CSNK1E: variants seen among roughly 807,000 people sequenced by gnomAD.
CSNK1E encodes casein kinase I isoform epsilon.
Under a neutral mutation model 46.1 loss-of-function variants are expected in CSNK1E, and 17 were observed. The ratio of observed to expected loss-of-function variants is 0.37; its 90% CI spans 0.25 to 0.55. The LOEUF is 0.55. CSNK1E is among the 20% of genes least tolerant of loss of function. The pLI, the probability that CSNK1E is intolerant of heterozygous loss-of-function variation, is 0.82. For synonymous variants in CSNK1E, 241 were observed against 242.6 expected, an observed-to-expected ratio of 0.99 and a Z score of 0.06; for missense variants, 386 against 595.4, an observed-to-expected ratio of 0.65 and a Z score of 3.66.
At chr22:38,311,003 G>A (rs150405008) in intron 2 of CSNK1E, among the ~76,000 whole-genome samples, 1 of 152,302 alleles carries the variant, frequency 6.6e-6, no homozygotes, top group Non-Finnish European at 1.5e-5. Flanking sequence ...GGTGAGTCAG[G>A]GCAGGGTCCC....
chr22:38,296,528 G>A (rs766728414), intron 7 of CSNK1E: 1 of 1,602,188 alleles, frequency 6.2e-7, no homozygotes, highest in Non-Finnish European at 8.5e-7. Flanking sequence ...TGCTGGAGGT[G>A]GTTCAGCTCA....
chr22:38,304,814 G>T (rs760176723), intron 2 of CSNK1E, among the ~76,000 whole-genome samples: 1 of 152,106 alleles, frequency 6.6e-6, no homozygotes, highest in South Asian at 2.1e-4. Flanking sequence ...GCTACGACAC[G>T]AGTGCACCTT....
intron 1 of CSNK1E, among the ~76,000 whole-genome samples, chr22:38,315,720 G>A (rs2092742022): frequency 1.3e-5 from 2 of 151,602 alleles, no homozygotes; most frequent in Admixed American, 1.3e-4. Context: ...TGGCAGCCAG[G>A]AAACCCGCAG....
chr22:38,297,181 C>T (rs762394320), intron 7 of CSNK1E: 2 of 777,274 alleles, frequency 2.6e-6, no homozygotes, highest in African/African-American at 1.7e-5. Flanking sequence ...TCCATTCTTG[C>T]AGTTGTGCTG....
rs760181596 is a variant in CSNK1E at position 38,300,898 on chromosome 22, G to A, written c.391C>T (p.Pro131Ser). Reference sequence around the variant, plus strand: ...CCCAGCCCCATGAGGAAGTTGTCGGGCTTGACGTCCCGGTGGATGAAGTTC... The same window carrying A: ...CCCAGCCCCATGAGGAAGTTGTCGGACTTGACGTCCCGGTGGATGAAGTTC... ...SKNFIHRDVK[P>S]DNFLMGLGKK... Residue 131 changes from proline (P) to serine (S), a missense_variant, in exon 5 of 11, where the codon CCC (proline) becomes TCC (serine). By Grantham distance (74) the Pro-to-Ser change is moderately conservative. This residue lies in a region of CSNK1E where 212 missense variants were observed against 410.2 expected (regional missense o/e 0.52). Coordinates refer to ENST00000396832, the MANE Select transcript of CSNK1E (RefSeq NM_152221.3). The surrounding 1 kb of genome is among the most constrained non-coding windows in gnomAD (Gnocchi z 4.4). 2 of 1,614,220 alleles carry A rather than the reference G, an allele frequency of 1.2e-6. No individual in the cohort carries two copies. Among genetic ancestry groups the A allele is most frequent in the East Asian group, 2.2e-5 (1 of 44,890 alleles).
intron 2 of CSNK1E, among the ~76,000 whole-genome samples, chr22:38,310,117 C>CA (rs575858163): frequency 1.4e-3 from 206 of 152,316 alleles, no homozygotes; most frequent in Admixed American, 0.013. Context: ...TTTCTCCACT[C>CA]AAACTCCAGG....
In CSNK1E at chr22:38,294,227, A is replaced by T; in HGVS notation, c.1100T>A (p.Ile367Asn). Reference protein sequence around the residue: ...QPAGNTSPRAISRVDRERKVS... With the variant: ...QPAGNTSPRANSRVDRERKVS... ...CTTCCTCTCCCGGTCGACCCGCGAG[A>T]TCGCTCTGGGAGAAGTATTGCCTGG... The change falls in exon 9 of 11, where the codon ATC becomes AAC. Residue 367 changes from isoleucine to asparagine, a missense_variant. Coordinates refer to ENST00000396832, the MANE Select transcript of CSNK1E (RefSeq NM_152221.3). The surrounding 1 kb of genome is among the most constrained non-coding windows in gnomAD (Gnocchi z 5.5). 5 of 1,612,498 alleles carry T rather than the reference A, an allele frequency of 3.1e-6. No homozygotes were observed. The highest frequency in any genetic ancestry group is 4.2e-6 in the Non-Finnish European group (5 of 1,179,930).
chr22:38,293,922 T>C (rs2092625316), intron 9 of CSNK1E, 187 bp downstream of exon 9: 5 of 665,340 alleles, frequency 7.5e-6, no homozygotes, highest in Non-Finnish European at 1.2e-5. Context: ...GTGAATGACT[T>C]TGCTCAAGAG....
At chr22:38,306,299 A>G (rs1426429020) in intron 2 of CSNK1E, among the ~76,000 whole-genome samples, 1 of 152,174 alleles carries the variant, frequency 6.6e-6, no homozygotes, top group Admixed American at 6.5e-5. Flanking sequence ...GCTTCACTGG[A>G]TACTGTGTTA....
chr22:38,317,617 A>G (rs1269759500), upstream of CSNK1E, among the ~76,000 whole-genome samples: 1 of 151,688 alleles, frequency 6.6e-6, no homozygotes, highest in African/African-American at 2.4e-5. Context: ...GGGGTGGGGG[A>G]GCACACAGAT....
intron 7 of CSNK1E, among the ~76,000 whole-genome samples, chr22:38,295,969 C>T (rs553860805): frequency 6.6e-5 from 10 of 152,370 alleles, no homozygotes; most frequent in Middle Eastern, 6.8e-3. Flanking sequence ...GAACCTTCTG[C>T]GGGCAGAGTC....
Position 38,303,078 on chromosome 22 carries a change from G to A in CSNK1E, c.187+60C>T. 6.2e-7 allele frequency: 1 copy of A among 1,600,830 alleles called. No homozygotes were observed. Among genetic ancestry groups the A allele is most frequent in the Non-Finnish European group, 8.5e-7 (1 of 1,173,838 alleles). ...CAGCCAGCCACGCCCGGCCCACCCT[G>A]TGCTCATGGCTGCCCACCGCCACCC... On this transcript the variant is annotated intron_variant, in intron 3 of 10. Transcript: ENST00000396832. This position sits in a 1 kb window ranked among gnomAD's most constrained non-coding sequence, Gnocchi z 4.7.
In CSNK1E at chr22:38,298,986, A is replaced by G; in HGVS notation, c.737-52T>C. ...AGGCCACTGTGAGGCCCACGCTCCCAGACCCCCTGCAGCCAGCACTGTCCT... is the reference window on the plus strand; with the variant it reads ...AGGCCACTGTGAGGCCCACGCTCCCGGACCCCCTGCAGCCAGCACTGTCCT... On this transcript the variant is annotated intron_variant, in intron 6 of 10. Coordinates refer to ENST00000396832, the MANE Select transcript of CSNK1E (RefSeq NM_152221.3). This position sits in a 1 kb window ranked among gnomAD's most constrained non-coding sequence, Gnocchi z 4.2. The G allele has an allele frequency of 6.2e-7, 1 of 1,607,044 alleles. No homozygotes were observed.
At chr22:38,313,857 A>G (rs1205391986) in intron 2 of CSNK1E, among the ~76,000 whole-genome samples, 5 of 152,342 alleles carry the variant, frequency 3.3e-5, no homozygotes, top group African/African-American at 1.2e-4. Flanking sequence ...TCCTGCAGAA[A>G]CTGGAGCTAA....
intron 2 of CSNK1E, among the ~76,000 whole-genome samples, chr22:38,305,369 T>C (rs972560909): frequency 6.6e-6 from 1 of 151,148 alleles, no homozygotes; most frequent in Non-Finnish European, 1.5e-5. Context: ...GAGAATTGCC[T>C]TATAGCCTTG....
In CSNK1E at chr22:38,303,089, TGCCCACCGCCACCCACCCGGC is replaced by T. The variant is rs1394094518; in HGVS notation, c.187+28_187+48del. 5 of 1,598,626 alleles carry T rather than the reference TGCCCACCGCCACCCACCCGGC, an allele frequency of 3.1e-6. No individual in the cohort carries two copies. Among genetic ancestry groups the T allele is most frequent in the African/African-American group, 2.7e-5 (2 of 74,614 alleles). ...GCCCGGCCCACCCTGTGCTCATGGC[TGCCCACCGCCACCCACCCGGC>T]GCCCGCCGCCGCCCACCCTGCGCTC... is the stretch of plus-strand genomic sequence containing the variant. On this transcript the variant is annotated intron_variant, in intron 3 of 10. Coordinates refer to ENST00000396832, the MANE Select transcript of CSNK1E (RefSeq NM_152221.3). This position sits in a 1 kb window ranked among gnomAD's most constrained non-coding sequence, Gnocchi z 4.7.
intron 7 of CSNK1E, chr22:38,297,666 A>G (rs1027585457): frequency 2.0e-6 from 2 of 994,194 alleles, no homozygotes; most frequent in Non-Finnish European, 1.2e-6. Flanking sequence ...GGGTCTAGCT[A>G]TGAGTCTGTC....
Position 38,294,061 on chromosome 22 carries a change from TCTAA to T in CSNK1E, c.1218+44_1218+47del, listed in dbSNP as rs1048753705. The T allele has an allele frequency of 1.9e-6, 3 of 1,588,370 alleles. No homozygotes were observed. In the African/African-American group the frequency reaches 4.0e-5, roughly 21 times the overall value. ...CGGCCTGACCTCCCACTGGGGGGTC[TCTAA>T]CTCAGTTCTGAGGCCCAGAGGGACT... On this transcript the variant is annotated intron_variant, in intron 9 of 10. Transcript: ENST00000396832. The surrounding 1 kb of genome is among the most constrained non-coding windows in gnomAD (Gnocchi z 5.5).
intron 7 of CSNK1E, among the ~76,000 whole-genome samples, chr22:38,295,802 AG>A (rs549309442): frequency 8.3e-4 from 127 of 152,332 alleles, no homozygotes; most frequent in South Asian, 1.5e-3. Flanking sequence ...CCTCCCACCC[AG>A]AAGCCTCTCA....
Sources: gnomAD v4.1 joint callset for allele counts (sites outside exome capture counted in the v4.1 genomes callset) on GRCh38, gnomAD v4.1.1 for gene constraint, gnomAD v4.1.1 regional missense constraint, Gnocchi (gnomAD v3.1) non-coding constraint, MANE v1.5 for transcripts, NCBI Gene and HGNC (gene_info 2026-07-23, HGNC 2026-07-21) for gene names.